DPY19L1: variants seen among roughly 807,000 people sequenced by gnomAD.
DPY19L1 encodes the protein protein C-mannosyl-transferase DPY19L1.
DPY19L1 carries 35 observed loss-of-function variants against 96.9 expected under a neutral mutation model. The ratio of observed to expected loss-of-function variants is 0.36; its 90% CI spans 0.28 to 0.48. The LOEUF is 0.48. Among genes scored for constraint, DPY19L1 ranks in the 20% least tolerant of loss-of-function variants. The pLI, the probability that DPY19L1 is intolerant of heterozygous loss-of-function variation, is 0.99. For synonymous variants in DPY19L1, 205 were observed against 252.6 expected (o/e 0.81, Z 1.79); for missense variants, 521 against 777.9 (o/e 0.67, Z 3.93).
At chr7:34,974,857 CATA>C (rs1348943878) in intron 7 of DPY19L1, among the ~76,000 whole-genome samples, 2 of 152,148 alleles carry the variant, frequency 1.3e-5, no homozygotes, top group African/African-American at 4.8e-5. Flanking sequence ...TGGTAATTTT[CATA>C]ATATTTCAAC....
intron 10 of DPY19L1, among the ~76,000 whole-genome samples, chr7:34,963,361 T>C (rs1393832976): frequency 4.6e-5 from 7 of 152,148 alleles, no homozygotes; most frequent in South Asian, 2.1e-4. Flanking sequence ...ATGGAGAAAA[T>C]AGAACCTCGT....
chr7:34,988,251 A>C (rs1322551467), intron 7 of DPY19L1: 5 of 152,080 alleles, frequency 3.3e-5, no homozygotes, highest in African/African-American at 1.2e-4. Flanking sequence ...CTAGGTTCCA[A>C]AATTTTGAAT....
In DPY19L1 at chr7:34,929,522, T is replaced by G. The variant is rs1247960451; in HGVS notation, c.*2051A>C. The G allele has an allele frequency of 6.6e-6, 1 of 152,188 alleles. No individual in the cohort carries two copies. The highest frequency in any genetic ancestry group is 1.5e-5 in the Non-Finnish European group (1 of 68,034). 9.4% of individuals were successfully genotyped at this position (152,188 alleles called of 1,614,324 possible). ...CTATACAGAATTTCTACTTATTACA[T>G]GTGAACTTCTTTGGAAGGAAATTAC... On this transcript the variant is annotated 3_prime_UTR_variant, in exon 22 of 22. Transcript: ENST00000638088.
chr7:34,967,079 A>C (rs1172096142), intron 9 of DPY19L1, 108 bp from the exon 10 acceptor site: 8 of 751,096 alleles, frequency 1.1e-5, no homozygotes, highest in South Asian at 2.6e-5. Flanking sequence ...ACACAGAGTG[A>C]GTTCTTCTGT....
chr7:35,011,210 T>C, intron 5 of DPY19L1, 120 bp downstream of exon 5: 4 of 1,180,630 alleles, frequency 3.4e-6, no homozygotes, highest in Non-Finnish European at 3.6e-6. Context: ...GCAGAATCTA[T>C]ATATGCATAA....
intron 7 of DPY19L1, among the ~76,000 whole-genome samples, chr7:34,986,754 A>C (rs1260301141): frequency 1.3e-5 from 2 of 152,026 alleles, no homozygotes; most frequent in Non-Finnish European, 2.9e-5. Context: ...GTTTAATTAG[A>C]TATGAACCTC....
intron 7 of DPY19L1, among the ~76,000 whole-genome samples, chr7:34,986,549 C>T (rs1785052774): frequency 6.6e-6 from 1 of 152,000 alleles, no homozygotes; most frequent in Admixed American, 6.6e-5. Flanking sequence ...GGAATGTTCA[C>T]TACATACCTA....
chr7:35,014,281 A>G (rs1031394808), intron 3 of DPY19L1, among the ~76,000 whole-genome samples: 3 of 152,208 alleles, frequency 2.0e-5, no homozygotes, highest in Non-Finnish European at 4.4e-5. Context: ...GCATAAGGTA[A>G]GAACCCTGTG....
At chr7:35,019,534 GAGAAGGAAGAAGAA>G (rs1258655604) in intron 1 of DPY19L1, among the ~76,000 whole-genome samples, 1 of 151,506 alleles carries the variant, frequency 6.6e-6, no homozygotes, top group African/African-American at 2.4e-5. Flanking sequence ...AGAAGAGAAG[GAGAAGGAAGAAGAA>G]AGAAGGAAGA....
At chr7:35,037,701 G>GCGGCCCCGCCCCCGCCGCCC, upstream of DPY19L1, 1 of 495,338 alleles carries the variant, frequency 2.0e-6, no homozygotes, top group East Asian at 1.4e-4. Flanking sequence ...GCGAGCGGCC[G>GCGGCCCCGCCCCCGCCGCCC]CGGCCCCGCC....
intron 10 of DPY19L1, among the ~76,000 whole-genome samples, chr7:34,959,927 A>ATATATAAATATATATATT (rs1784465742): frequency 1.1e-4 from 3 of 27,396 alleles, no homozygotes; most frequent in South Asian, 9.6e-4. Flanking sequence ...ATATATATTT[A>ATATATAAATATATATATT]TATATATATA....
intron 16 of DPY19L1, among the ~76,000 whole-genome samples, chr7:34,945,288 T>C (rs747947229): frequency 3.5e-4 from 53 of 152,330 alleles, no homozygotes; most frequent in Admixed American, 2.3e-3. Flanking sequence ...ATTTATTTTC[T>C]GTAAAAAGTG....
intron 7 of DPY19L1, among the ~76,000 whole-genome samples, chr7:34,974,785 C>T (rs536450652): frequency 6.6e-6 from 1 of 152,238 alleles, no homozygotes; most frequent in South Asian, 2.1e-4. Context: ...CTGCATCAAG[C>T]AAGTCTATCA....
intron 4 of DPY19L1, 85 bp from the exon 5 acceptor site, chr7:35,011,535 T>A (rs2021790): frequency 7.6e-7 from 1 of 1,311,144 alleles, no homozygotes; most frequent in South Asian, 1.5e-5. Context: ...CTTTGACAAT[T>A]ACCATATTTT....
chr7:35,017,831 A>T (rs1785897220), intron 3 of DPY19L1, 51 bp downstream of exon 3: 1 of 1,372,646 alleles, frequency 7.3e-7, no homozygotes, highest in Non-Finnish European at 1.0e-6. Context: ...AAAATATTAA[A>T]TGTTTTTAAA....
chr7:34,970,736 T>C (rs1387153643), intron 8 of DPY19L1, among the ~76,000 whole-genome samples: 1 of 151,684 alleles, frequency 6.6e-6, no homozygotes, highest in African/African-American at 2.4e-5. Context: ...GGATAAAGAA[T>C]GCGCTGTGGG....
chr7:34,973,406 G>T, intron 8 of DPY19L1, 108 bp downstream of exon 8: 3 of 557,998 alleles, frequency 5.4e-6, no homozygotes, highest in Non-Finnish European at 8.3e-6. Flanking sequence ...ACTAATAACA[G>T]CATCATATTG....
intron 1 of DPY19L1, among the ~76,000 whole-genome samples, chr7:35,029,894 A>G (rs1786219788): frequency 6.6e-6 from 1 of 152,214 alleles, no homozygotes; most frequent in Non-Finnish European, 1.5e-5. Flanking sequence ...TAACAAAGAC[A>G]AGAGAACTCA....
intron 10 of DPY19L1, 150 bp from the exon 11 acceptor site, chr7:34,958,220 A>C (rs1278369796): frequency 2.0e-6 from 1 of 510,834 alleles, no homozygotes; most frequent in Admixed American, 4.1e-5. Context: ...CTCACACTTC[A>C]AACTCCCAGA....
Sources: allele counts gnomAD v4.1 joint callset (sites outside exome capture counted in the v4.1 genomes callset), GRCh38; gene constraint gnomAD v4.1.1; transcripts MANE v1.5; gene names NCBI Gene and HGNC (gene_info 2026-07-23, HGNC 2026-07-21).